The following SIGLEC7 variants were observed in gnomAD, a reference collection of about 807,000 sequenced individuals.
SIGLEC7 encodes the protein sialic acid-binding Ig-like lectin 7.
SIGLEC7 carries 33 observed loss-of-function variants against 40.8 expected under a neutral mutation model. That is an observed-to-expected ratio of 0.81 (90% CI 0.61 to 1.08). SIGLEC7 has a LOEUF of 1.08. Ranked by LOEUF, SIGLEC7 falls within the 50% of genes least tolerant of loss-of-function variation. The pLI, the probability that SIGLEC7 is intolerant of heterozygous loss-of-function variation, is 0.00. For missense variants in SIGLEC7, 513 were observed against 576.1 expected, an observed-to-expected ratio of 0.89 and a Z score of 1.12; for synonymous variants, 242 against 237.6, an observed-to-expected ratio of 1.02 and a Z score of -0.17.
chr19:51,142,649 C>G lies in SIGLEC7; in HGVS notation c.280C>G (p.Arg94Gly), dbSNP rs144840542. Residue 94 changes from arginine (R) to glycine (G), a missense_variant, in exon 1 of 7, where the codon CGA becomes GGA. Transcript: ENST00000317643. The surrounding 1 kb of genome is among the most constrained non-coding windows in gnomAD (Gnocchi z 5.0). ...GGCAGTGCAGGAGGAAACTCGGGACCGATTCCACCTCCTTGGGGACCCACA... is the reference window on the plus strand; with the variant it reads ...GGCAGTGCAGGAGGAAACTCGGGACGGATTCCACCTCCTTGGGGACCCACA... Reference protein sequence around the residue: ...AWAVQEETRDRFHLLGDPQTK... With the variant: ...AWAVQEETRDGFHLLGDPQTK... 2.9e-4 allele frequency: 466 copies of G among 1,614,130 alleles called. 1 individual carries two copies. The East Asian group carries it at 7.8e-3, about 27-fold the overall frequency.
chr19:51,149,851 G>T (rs567997782), intron 6 of SIGLEC7, among the ~76,000 whole-genome samples: 2 of 152,044 alleles, frequency 1.3e-5, no homozygotes, highest in Non-Finnish European at 2.9e-5. Flanking sequence ...TCTCATTGTA[G>T]AGTTCTTTCA....
chr19:51,143,787 G>A, intron 1 of SIGLEC7: 1 of 298,748 alleles, frequency 3.3e-6, no homozygotes. Context: ...AATGAAGAGA[G>A]GGACAGTCGG....
At position 51,142,456 on chromosome 19, in the gene SIGLEC7, G is replaced by C. The variant is rs1355670634; in HGVS notation, c.87G>C (p.Thr29=). ...QKSNRKDYSL[T]MQSSVTVQEG... ...GTAACCGGAAGGATTACTCGCTGAC[G>C]ATGCAGAGTTCCGTGACCGTGCAAG... is the stretch of plus-strand genomic sequence containing the variant. Residue 29 remains threonine (T), a synonymous_variant, in exon 1 of 7, where the codon ACG becomes ACC. Coordinates refer to ENST00000317643, the MANE Select transcript of SIGLEC7 (RefSeq NM_014385.4). This position sits in a 1 kb window ranked among gnomAD's most constrained non-coding sequence, Gnocchi z 5.0. The C allele has an allele frequency of 3.1e-6, 5 of 1,614,044 alleles. No individual in the cohort carries two copies. Among genetic ancestry groups the C allele is most frequent in the Admixed American group, 1.7e-5 (1 of 59,996 alleles).
At chr19:51,149,451 T>C (rs1187800463) in intron 6 of SIGLEC7, among the ~76,000 whole-genome samples, 1 of 152,216 alleles carries the variant, frequency 6.6e-6, no homozygotes, top group Non-Finnish European at 1.5e-5. Flanking sequence ...TTGTTGAAGA[T>C]CAAATTGTTG....
chr19:51,146,352 T>A (rs2092108438), intron 4 of SIGLEC7, among the ~76,000 whole-genome samples: 1 of 151,876 alleles, frequency 6.6e-6, no homozygotes, highest in African/African-American at 2.4e-5. Context: ...CCTGGACAGG[T>A]GTGTTTGGGG....
At position 51,153,225 on chromosome 19, in the gene SIGLEC7, GAGATCA is replaced by G. The variant is rs2092156438; in HGVS notation, c.1390_1395del (p.Lys464_Ile465del). The stretch of plus-strand genomic sequence containing the variant: ...AGAAGCCACCAACAATGAGTACTCA[GAGATCA>G]AGATCCCCAAGTAAGAAAATGCAGA... On this transcript the variant is annotated inframe_deletion, in exon 7 of 7. Transcript: ENST00000317643. 1 of 1,582,282 alleles carries G rather than the reference GAGATCA, an allele frequency of 6.3e-7. No homozygotes were observed. Among genetic ancestry groups the G allele is most frequent in the Non-Finnish European group, 8.6e-7 (1 of 1,164,560 alleles).
chr19:51,152,637 G>A (rs1156241155), intron 6 of SIGLEC7, among the ~76,000 whole-genome samples: 1 of 152,118 alleles, frequency 6.6e-6, no homozygotes, highest in African/African-American at 2.4e-5. Context: ...TAAAAAGTGA[G>A]TTTCAGGAGG....
At position 51,146,132 on chromosome 19, in the gene SIGLEC7, G is replaced by T; in HGVS notation, c.1027+11G>T. Reference sequence around the variant, plus strand: ...AACAGGAGTACACAGGTGGGTAAGGGAGGGGCTGGAGGAGGAGAACACACC... The same window carrying T: ...AACAGGAGTACACAGGTGGGTAAGGTAGGGGCTGGAGGAGGAGAACACACC... On this transcript the variant is annotated intron_variant, in intron 4 of 6. Coordinates refer to ENST00000317643, the MANE Select transcript of SIGLEC7 (RefSeq NM_014385.4). 1.9e-6 allele frequency: 3 copies of T among 1,611,322 alleles called. No homozygotes were observed. Among genetic ancestry groups the T allele is most frequent in the Non-Finnish European group, 2.5e-6 (3 of 1,178,072 alleles).
chr19:51,146,755 C>A lies in SIGLEC7; in HGVS notation c.1029C>A (p.Gly343=). ...AAAACAATTCCAATCCATCCTCAGG[C>A]AAAATGAGGCCTGTATCAGGAGTGT... The part of the protein sequence containing the change: ...LNLSLQQEYT[G]KMRPVSGVLL... Residue 343 remains glycine (G), a splice_region_variant and synonymous_variant, in exon 5 of 7, where the codon GGC becomes GGA. Coordinates refer to ENST00000317643, the MANE Select transcript of SIGLEC7 (RefSeq NM_014385.4). 1.9e-6 allele frequency: 3 copies of A among 1,612,934 alleles called. No individual in the cohort carries two copies. In the South Asian group the frequency reaches 3.3e-5, roughly 18 times the overall value.
rs776634493 is a variant in SIGLEC7, at chr19:51,144,545, C to T, written c.573C>T (p.Pro191=). 5.6e-6 allele frequency: 9 copies of T among 1,613,806 alleles called. No individual in the cohort carries two copies. The highest frequency in any genetic ancestry group is 1.7e-5 in the Admixed American group (1 of 60,020). ...CCTGGATGGGGACCTCTGTGTCCCC[C>T]CTGCACCCCTCCACCACCCGCTCCT... ...MISWMGTSVS[P]LHPSTTRSSV... Residue 191 remains proline (P), a synonymous_variant, in exon 2 of 7, where the codon CCC becomes CCT. Coordinates refer to ENST00000317643, the MANE Select transcript of SIGLEC7 (RefSeq NM_014385.4).
chr19:51,146,967 A>T, intron 5 of SIGLEC7, 117 bp downstream of exon 5: 2 of 1,118,008 alleles, frequency 1.8e-6, no homozygotes, highest in Non-Finnish European at 2.6e-6. Context: ...GGCAAGAATG[A>T]GCTCACGGGT....
chr19:51,146,815 C>G lies in SIGLEC7; in HGVS notation c.1089C>G (p.Ala363=). 5.6e-6 allele frequency: 9 copies of G among 1,613,990 alleles called. No individual in the cohort carries two copies. The highest frequency in any genetic ancestry group is 6.8e-6 in the Non-Finnish European group (8 of 1,179,956). The change falls in exon 5 of 7, where the codon GCC becomes GCG. Residue 363 remains alanine (A), a synonymous_variant. Transcript: ENST00000317643. ...LGAVGGAGAT[A]LVFLSFCVIF... is the part of the protein sequence containing the mutation. Reference sequence around the variant, plus strand: ...CGGTCGGGGGAGCTGGAGCCACAGCCCTGGTCTTCCTCTCCTTCTGTGTCA... The same window carrying G: ...CGGTCGGGGGAGCTGGAGCCACAGCGCTGGTCTTCCTCTCCTTCTGTGTCA...
intron 4 of SIGLEC7, 32 bp downstream of exon 4, chr19:51,146,153 A>C (rs1599832282): frequency 6.2e-7 from 1 of 1,602,504 alleles, no homozygotes; most frequent in Non-Finnish European, 8.5e-7. Context: ...GGAGGAGAAC[A>C]CACCTGCCCC....
chr19:51,146,307 G>C (rs926065411), intron 4 of SIGLEC7, among the ~76,000 whole-genome samples, 186 bp downstream of exon 4: 1 of 152,178 alleles, frequency 6.6e-6, no homozygotes, highest in Non-Finnish European at 1.5e-5. Flanking sequence ...GGCAGGAAGA[G>C]GGGAGGAGTG....
intron 6 of SIGLEC7, among the ~76,000 whole-genome samples, chr19:51,149,026 T>C (rs752603060): frequency 6.6e-6 from 1 of 152,238 alleles, no homozygotes; most frequent in Non-Finnish European, 1.5e-5. Flanking sequence ...GTTTTTCTCT[T>C]GTAAATTTGT....
At chr19:51,152,830 T>C (rs2092152557) in intron 6 of SIGLEC7, 3 of 305,992 alleles carry the variant, frequency 9.8e-6, no homozygotes, top group African/African-American at 2.1e-5. Flanking sequence ...GGGAAGTTAA[T>C]AAGATTAATA....
chr19:51,144,162 G>A, intron 1 of SIGLEC7: 1 of 741,470 alleles, frequency 1.3e-6, no homozygotes, highest in Admixed American at 1.9e-5. Context: ...GGACAGATAA[G>A]ATGGAATTAC....
At position 51,145,972 on chromosome 19, in the gene SIGLEC7, T is replaced by G. The variant is rs747529353; in HGVS notation, c.878T>G (p.Leu293Arg). 1.2e-6 allele frequency: 2 copies of G among 1,614,244 alleles called. No homozygotes were observed. The highest frequency in any genetic ancestry group is 1.7e-6 in the Non-Finnish European group (2 of 1,180,040). The part of the protein sequence containing the change: ...PARLSWTWRS[L>R]TLYPSQPSNP... ...AGGCTGAGCTGGACCTGGAGGAGTC[T>G]GACCCTGTACCCCTCACAGCCCTCA... Residue 293 changes from leucine (L) to arginine (R), a missense_variant, in exon 4 of 7, where the codon CTG becomes CGG. By Grantham distance (102) the Leu-to-Arg change is moderately radical. Coordinates refer to ENST00000317643, the MANE Select transcript of SIGLEC7 (RefSeq NM_014385.4). The surrounding 1 kb of genome is among the most constrained non-coding windows in gnomAD (Gnocchi z 4.3).
rs568515648 is a variant in SIGLEC7 at position 51,146,656 on chromosome 19, G to A, written c.1028-98G>A. 2.9e-5 allele frequency: 29 copies of A among 1,013,230 alleles called. No homozygotes were observed. In the South Asian group the frequency reaches 4.3e-4, roughly 15 times the overall value. 62.8% of individuals were successfully genotyped at this position (1,013,230 alleles called of 1,614,324 possible). ...CTTGCCCTTTGTTTCTGGGAAGGGGGATTAGGGTACCCAAGTTGGGGGCCT... is the reference window on the plus strand; with the variant it reads ...CTTGCCCTTTGTTTCTGGGAAGGGGAATTAGGGTACCCAAGTTGGGGGCCT... On this transcript the variant is annotated intron_variant, in intron 4 of 6. Coordinates refer to ENST00000317643, the MANE Select transcript of SIGLEC7 (RefSeq NM_014385.4).
Sources: gnomAD v4.1 joint callset for allele counts (sites outside exome capture counted in the v4.1 genomes callset) on GRCh38, gnomAD v4.1.1 for gene constraint, Gnocchi (gnomAD v3.1) non-coding constraint, MANE v1.5 for transcripts, NCBI Gene and HGNC (gene_info 2026-07-23, HGNC 2026-07-21) for gene names.